Variants in LRP1B observed in about 807,000 individuals in gnomAD.
The protein encoded by LRP1B is low-density lipoprotein receptor-related protein 1B.
LRP1B carries 217 observed loss-of-function variants against 556.6 expected under a neutral mutation model. The observed-to-expected ratio is 0.39, with a 90% CI of 0.35 to 0.44. LRP1B has a LOEUF of 0.44. Ranked by LOEUF, LRP1B falls within the 20% of genes least tolerant of loss-of-function variation. LRP1B has a pLI of 1.00. For missense variants in LRP1B, 5,053 were observed against 5,620.8 expected (o/e 0.90, Z 3.23); for synonymous variants, 2,047 against 1,865.8 (o/e 1.10, Z -2.50).
At chr2:141,726,324 A>T (rs1693033230) in intron 2 of LRP1B, among the ~76,000 whole-genome samples, 2 of 151,744 alleles carry the variant, frequency 1.3e-5, no homozygotes, top group Non-Finnish European at 1.5e-5. Context: ...AATTTTAAAA[A>T]AAAATTATTT....
At chr2:140,376,636 T>A (rs1683244177) in intron 68 of LRP1B, among the ~76,000 whole-genome samples, 1 of 152,214 alleles carries the variant, frequency 6.6e-6, no homozygotes, top group Admixed American at 6.5e-5. Context: ...GCAGTGTATT[T>A]TTCAACTTTT....
At chr2:141,062,988 G>A (rs192941618) in intron 7 of LRP1B, among the ~76,000 whole-genome samples, 1 of 151,654 alleles carries the variant, frequency 6.6e-6, no homozygotes, top group Non-Finnish European at 1.5e-5. Flanking sequence ...CTGTGCTAAT[G>A]GTGTCTGTCA....
At chr2:140,842,145 A>T (rs998209791) in intron 29 of LRP1B, among the ~76,000 whole-genome samples, 2 of 152,204 alleles carry the variant, frequency 1.3e-5, no homozygotes, top group African/African-American at 4.8e-5. Flanking sequence ...ACCTACCTCT[A>T]GTCGAATTGC....
At chr2:142,075,110 C>G (rs1280990373) in intron 1 of LRP1B, among the ~76,000 whole-genome samples, 1 of 152,058 alleles carries the variant, frequency 6.6e-6, no homozygotes. Context: ...TTATTCAACA[C>G]TTAATGTGGA....
At chr2:141,344,610 G>A (rs376943405) in intron 3 of LRP1B, among the ~76,000 whole-genome samples, 126 of 151,862 alleles carry the variant, frequency 8.3e-4, no homozygotes, top group Non-Finnish European at 1.5e-3. Context: ...TTCTCAGCAC[G>A]TATTCTCATA....
intron 1 of LRP1B, among the ~76,000 whole-genome samples, chr2:141,839,283 T>C (rs1227537341): frequency 6.6e-6 from 1 of 152,112 alleles, no homozygotes; most frequent in Non-Finnish European, 1.5e-5. Flanking sequence ...GTGGAAATAC[T>C]AGCCAAACAA....
chr2:141,848,902 A>G (rs1697747957), intron 1 of LRP1B, among the ~76,000 whole-genome samples: 1 of 151,570 alleles, frequency 6.6e-6, no homozygotes, highest in African/African-American at 2.4e-5. Flanking sequence ...TGCCATTCAG[A>G]TGTCCAGGGG....
At chr2:141,964,283 C>T (rs986024451) in intron 1 of LRP1B, among the ~76,000 whole-genome samples, 11 of 150,310 alleles carry the variant, frequency 7.3e-5, no homozygotes, top group African/African-American at 1.7e-4. Flanking sequence ...GCCTGCATCG[C>T]CAAGTCAATC....
intron 41 of LRP1B, among the ~76,000 whole-genome samples, chr2:140,665,163 A>G (rs1685222852): frequency 6.6e-6 from 1 of 152,198 alleles, no homozygotes; most frequent in Non-Finnish European, 1.5e-5. Context: ...GCTATGACAT[A>G]ATTGCACAAT....
intron 83 of LRP1B, among the ~76,000 whole-genome samples, chr2:140,299,466 G>A (rs1008869447): frequency 5.9e-5 from 9 of 152,014 alleles, no homozygotes; most frequent in Non-Finnish European, 1.2e-4. Flanking sequence ...GCCTATTAAT[G>A]GCCTGAGAAA....
intron 85 of LRP1B, among the ~76,000 whole-genome samples, chr2:140,272,869 G>A (rs1017412863): frequency 6.6e-6 from 1 of 151,838 alleles, no homozygotes; most frequent in Non-Finnish European, 1.5e-5. Flanking sequence ...GTTAGCAATT[G>A]TTATTTATCC....
At chr2:140,320,634 C>T (rs1378993095) in intron 82 of LRP1B, among the ~76,000 whole-genome samples, 1 of 151,768 alleles carries the variant, frequency 6.6e-6, no homozygotes, top group Non-Finnish European at 1.5e-5. Context: ...TGCTATGTTG[C>T]CCAGGCAGGT....
At chr2:140,461,575 C>T (rs2105329542) in intron 60 of LRP1B, among the ~76,000 whole-genome samples, 1 of 152,208 alleles carries the variant, frequency 6.6e-6, no homozygotes, top group South Asian at 2.1e-4. Flanking sequence ...TGGCTGACAC[C>T]TGTAATCCCA....
At chr2:141,180,929 G>T (rs147406453) in intron 7 of LRP1B, among the ~76,000 whole-genome samples, 1 of 151,894 alleles carries the variant, frequency 6.6e-6, no homozygotes, top group Non-Finnish European at 1.5e-5. Context: ...AAGATAAGGC[G>T]TAGCAGATAA....
chr2:141,984,232 A>C (rs1231315925), intron 1 of LRP1B, among the ~76,000 whole-genome samples: 3 of 152,138 alleles, frequency 2.0e-5, no homozygotes, highest in African/African-American at 7.2e-5. Context: ...ATGTGTATAC[A>C]TGTGCCATCT....
chr2:140,630,594 G>C (rs968145609), intron 41 of LRP1B, among the ~76,000 whole-genome samples: 1 of 152,154 alleles, frequency 6.6e-6, no homozygotes, highest in Non-Finnish European at 1.5e-5. Context: ...TTCAACTTGC[G>C]GTCTTAGGAG....
At chr2:141,804,067 T>C (rs1300969700) in intron 2 of LRP1B, among the ~76,000 whole-genome samples, 1 of 152,088 alleles carries the variant, frequency 6.6e-6, no homozygotes, top group East Asian at 1.9e-4. Flanking sequence ...ATTGTTCAAT[T>C]AGAAGTGATC....
intron 43 of LRP1B, among the ~76,000 whole-genome samples, chr2:140,567,966 C>A (rs759389967): frequency 1.3e-5 from 2 of 152,164 alleles, no homozygotes; most frequent in Non-Finnish European, 2.9e-5. Context: ...TAAGACCCAT[C>A]TGTGGATAAA....
chr2:140,537,172 A>AAT (rs1679943801), intron 45 of LRP1B, among the ~76,000 whole-genome samples: 1 of 144,988 alleles, frequency 6.9e-6, no homozygotes, highest in African/African-American at 2.5e-5. Flanking sequence ...CTCTGTATCA[A>AAT]AATAATAATT....
Sources: allele counts gnomAD v4.1 joint callset (sites outside exome capture counted in the v4.1 genomes callset), GRCh38; gene constraint gnomAD v4.1.1; transcripts MANE v1.5; gene names NCBI Gene and HGNC (gene_info 2026-07-23, HGNC 2026-07-21).